Variants in TLN2 observed in about 807,000 individuals in gnomAD.
TLN2 encodes talin-2.
In TLN2, 118 loss-of-function variants were observed where a neutral mutation model predicts 294.7. The observed-to-expected ratio is 0.40, with a 90% CI of 0.34 to 0.47. TLN2 has a LOEUF of 0.47. Among genes scored for constraint, TLN2 ranks in the 20% least tolerant of loss-of-function variants. The pLI is 0.84. For synonymous variants in TLN2, 1,431 were observed against 1,304.5 expected, an observed-to-expected ratio of 1.10 and a Z score of -2.09; for missense variants, 3,083 against 3,282.2, an observed-to-expected ratio of 0.94 and a Z score of 1.48.
chr15:62,819,656 C>T, intron 53 of TLN2, 35 bp downstream of exon 53: 1 of 1,579,692 alleles, frequency 6.3e-7, no homozygotes, highest in Non-Finnish European at 8.6e-7. Flanking sequence ...TGGAGGGCAA[C>T]CCTCCCAGGC....
intron 1 of TLN2, among the ~76,000 whole-genome samples, chr15:62,448,143 C>A (rs1317635905): frequency 6.6e-6 from 1 of 152,168 alleles, no homozygotes; most frequent in Non-Finnish European, 1.5e-5. Context: ...GCCCAGGGAG[C>A]CTGCATAGTG....
intron 1 of TLN2, among the ~76,000 whole-genome samples, chr15:62,439,415 T>C (rs1836540): frequency 0.93 from 141,528 of 152,112 alleles, 66,472 homozygotes; most frequent in East Asian, 1. Context: ...TGGGTTCAAG[T>C]GATTATCCTG....
At chr15:62,679,436 AAAGG>A (rs1567333035) in intron 11 of TLN2, among the ~76,000 whole-genome samples, 1 of 114,124 alleles carries the variant, frequency 8.8e-6, no homozygotes, top group East Asian at 2.1e-4. Flanking sequence ...TCAGCCATAA[AAAGG>A]AATGAAGTAC....
chr15:62,469,955 TGAGAGAGAGAGC>T (rs943872302), intron 1 of TLN2, among the ~76,000 whole-genome samples: 19 of 150,844 alleles, frequency 1.3e-4, no homozygotes, highest in Admixed American at 1.1e-3. Context: ...GGTGTGTGTG[TGAGAGAGAGAGC>T]GAGAGAGAGA....
At chr15:62,602,995 C>G (rs1230443248) in intron 2 of TLN2, among the ~76,000 whole-genome samples, 1 of 151,906 alleles carries the variant, frequency 6.6e-6, no homozygotes, top group Non-Finnish European at 1.5e-5. Context: ...CAGGTTCATG[C>G]CATTCTCCTG....
chr15:62,577,237 C>T, intron 1 of TLN2, among the ~76,000 whole-genome samples: 1 of 151,972 alleles, frequency 6.6e-6, no homozygotes, highest in East Asian at 1.9e-4. Flanking sequence ...TGAGGTCGGG[C>T]ATTCGAGACC....
At chr15:62,787,853 G>T in intron 45 of TLN2, among the ~76,000 whole-genome samples, 1 of 150,608 alleles carries the variant, frequency 6.6e-6, no homozygotes, top group East Asian at 2.0e-4. Context: ...CATCATGCCA[G>T]GCTGATTTTT....
intron 1 of TLN2, among the ~76,000 whole-genome samples, chr15:62,577,228 G>A (rs1025560100): frequency 6.6e-6 from 1 of 152,212 alleles, no homozygotes; most frequent in Admixed American, 6.5e-5. Flanking sequence ...CGGATCACCT[G>A]AGGTCGGGCA....
intron 1 of TLN2, among the ~76,000 whole-genome samples, chr15:62,459,782 G>C (rs1413223394): frequency 6.6e-6 from 1 of 152,094 alleles, no homozygotes; most frequent in Non-Finnish European, 1.5e-5. Context: ...TTGTTCTTTG[G>C]GTCACAGTTG....
At chr15:62,491,326 C>CAAA (rs775626928) in intron 1 of TLN2, among the ~76,000 whole-genome samples, 66 of 99,016 alleles carry the variant, frequency 6.7e-4, no homozygotes, top group East Asian at 3.2e-3. Flanking sequence ...GACTCTGTCT[C>CAAA]AAAAAAAAAA....
intron 45 of TLN2, chr15:62,784,869 A>T (rs899433781): frequency 3.0e-4 from 46 of 152,246 alleles, no homozygotes; most frequent in Non-Finnish European, 2.2e-4. Context: ...TCTTCTCCTT[A>T]TAGTGACAGT....
rs1374808709 is a variant in TLN2, at chr15:62,627,404, G to A, written c.-37+8929G>A. 3.9e-5 allele frequency among the ~76,000 whole-genome samples: 6 copies of A among 152,116 alleles called. No homozygotes were observed. The East Asian group carries it at 7.7e-4, about 20-fold the overall frequency. Reference sequence around the variant, plus strand: ...TGATGGAGGGAGTTGGTGAATTTTGGGGGCTAGCCAAAGAGGGAATTAGGT... The same window carrying A: ...TGATGGAGGGAGTTGGTGAATTTTGAGGGCTAGCCAAAGAGGGAATTAGGT... On this transcript the variant is annotated intron_variant, in intron 3 of 58. Coordinates refer to ENST00000636159, the MANE Select transcript of TLN2 (RefSeq NM_015059.3).
chr15:62,812,193 G>A (rs74020669), intron 52 of TLN2, among the ~76,000 whole-genome samples: 4,093 of 152,040 alleles, frequency 0.027, 152 homozygotes, highest in African/African-American at 0.085. Flanking sequence ...TTTCTCTCTC[G>A]TGCTTTTGCT....
intron 3 of TLN2, among the ~76,000 whole-genome samples, chr15:62,623,037 C>A (rs140907141): frequency 1.3e-5 from 2 of 152,184 alleles, no homozygotes; most frequent in Non-Finnish European, 2.9e-5. Context: ...GGGTGATCAA[C>A]GTGGCCTCCA....
chr15:62,762,352 C>T lies in TLN2; in HGVS notation c.4860C>T (p.Arg1620=). The change falls in exon 39 of 59, where the codon CGC becomes CGT. Residue 1620 remains arginine, a synonymous_variant. Transcript: ENST00000636159. ...ESSSYLIRTA[R]SLAINPKDPP... ...CATCGTACCTCATTCGCACTGCACG[C>T]TCTCTGGCCATCAACCCCAAAGACC... 2.5e-6 allele frequency: 4 copies of T among 1,614,222 alleles called. No homozygotes were observed. The highest frequency in any genetic ancestry group is 3.4e-6 in the Non-Finnish European group (4 of 1,180,040).
chr15:62,797,522 G>A (rs1181558551), intron 48 of TLN2, 120 bp downstream of exon 48: 4 of 1,239,920 alleles, frequency 3.2e-6, no homozygotes, highest in Non-Finnish European at 2.2e-6. Context: ...GTGTGTGAGT[G>A]TGTCTGGTTT....
chr15:62,710,003 G>A (rs1052747987), intron 21 of TLN2, among the ~76,000 whole-genome samples: 2 of 152,192 alleles, frequency 1.3e-5, no homozygotes, highest in Non-Finnish European at 2.9e-5. Context: ...CCAAAGTGCT[G>A]GGATTACAGG....
intron 1 of TLN2, among the ~76,000 whole-genome samples, chr15:62,430,649 C>T (rs182383194): frequency 3.8e-4 from 58 of 152,232 alleles, no homozygotes; most frequent in African/African-American, 7.9e-4. Context: ...CTTAGTCAAA[C>T]GAACCAATAA....
intron 8 of TLN2, among the ~76,000 whole-genome samples, chr15:62,657,163 A>G (rs1242171509): frequency 1.5e-4 from 18 of 122,820 alleles, no homozygotes; most frequent in African/African-American, 2.3e-4. Context: ...TGGGGGGGGG[A>G]AGCAACAGCA....
Sources: allele counts gnomAD v4.1 joint callset (sites outside exome capture counted in the v4.1 genomes callset), GRCh38; gene constraint gnomAD v4.1.1; transcripts MANE v1.5; gene names NCBI Gene and HGNC (gene_info 2026-07-23, HGNC 2026-07-21).